LPCAT3: variants seen among roughly 807,000 people sequenced by gnomAD.
The protein encoded by LPCAT3 is lysophospholipid acyltransferase 5.
LPCAT3 carries 21 observed loss-of-function variants against 63.4 expected under a neutral mutation model. The observed-to-expected ratio is 0.33, with a 90% CI of 0.23 to 0.48. The LOEUF (loss-of-function observed/expected upper bound fraction) is 0.48, where lower values mean the gene tolerates loss of function less well. Among genes scored for constraint, LPCAT3 ranks in the 20% least tolerant of loss-of-function variants. LPCAT3 has a pLI of 0.99. For synonymous variants in LPCAT3, 242 were observed against 227.5 expected, an observed-to-expected ratio of 1.06 and a Z score of -0.58; for missense variants, 451 against 590.6, an observed-to-expected ratio of 0.76 and a Z score of 2.45.
At chr12:7,014,521 C>G (rs782064076) in intron 1 of LPCAT3, among the ~76,000 whole-genome samples, 4 of 152,160 alleles carry the variant, frequency 2.6e-5, no homozygotes, top group African/African-American at 7.2e-5. Context: ...AGTCTTCTGA[C>G]TGCTCAAAAT....
rs782378082 is a variant in LPCAT3 at position 7,018,177 on chromosome 12, C to T, written c.151+97G>A. 5.4e-5 allele frequency: 78 copies of T among 1,445,638 alleles called. No homozygotes were observed. In the East Asian group the frequency reaches 1.8e-3, roughly 34 times the overall value. The allele number at this position is 1,445,638 out of a possible 1,614,324, so 89.6% of individuals were successfully genotyped here. On this transcript the variant is annotated intron_variant, in intron 1 of 12. Coordinates refer to ENST00000261407, the MANE Select transcript of LPCAT3 (RefSeq NM_005768.6). This position sits in a 1 kb window ranked among gnomAD's most constrained non-coding sequence, Gnocchi z 4.9. ...CACACCCGCACCCGGCACAGCCCTC[C>T]CGGGTGGCTCCGGGAAGAGAGGGAG...
intron 1 of LPCAT3, among the ~76,000 whole-genome samples, chr12:7,002,234 T>C (rs1025390156): frequency 4.2e-4 from 64 of 152,178 alleles, no homozygotes; most frequent in African/African-American, 1.5e-3. Flanking sequence ...TTATATACAC[T>C]TGAAGTTTTA....
At position 7,018,453 on chromosome 12, in the gene LPCAT3, C is replaced by T. The variant is rs781991477; in HGVS notation, c.-29G>A. On this transcript the variant is annotated 5_prime_UTR_variant, in exon 1 of 13. Transcript: ENST00000261407. The surrounding 1 kb of genome is among the most constrained non-coding windows in gnomAD (Gnocchi z 4.9). ...AACTCCGGGAGCCCCACAGGGACCC[C>T]CCAGCTCCGCGCGCCCCGAATGCGG... 1 of 1,549,252 alleles carries T rather than the reference C, an allele frequency of 6.5e-7. No homozygotes were observed. Among genetic ancestry groups the T allele is most frequent in the Non-Finnish European group, 8.7e-7 (1 of 1,144,060 alleles).
In LPCAT3 at chr12:6,976,813, T is replaced by C. The variant is rs1946408584; in HGVS notation, c.*91A>G. On this transcript the variant is annotated 3_prime_UTR_variant, in exon 13 of 13. Coordinates refer to ENST00000261407, the MANE Select transcript of LPCAT3 (RefSeq NM_005768.6). ...CATCGATCTTCCACCTCCCTGGCTT[T>C]TCCATTCTCTGCTCTGGGGCAAAGG... 2 of 202,794 alleles carry C rather than the reference T, an allele frequency of 9.9e-6. No homozygotes were observed. The highest frequency in any genetic ancestry group is 2.3e-4 in the South Asian group (2 of 8,776). The allele number at this position is 202,794 out of a possible 1,614,324, so 12.6% of individuals were successfully genotyped here.
In LPCAT3 at chr12:6,987,951, AC is replaced by A. The variant is rs782689826; in HGVS notation, c.152-4413del. ...CCCTTTCCTTGCTACTCTGGGATCA[AC>A]AGTCACCTCTTGAACTTTTGGGGTG... On this transcript the variant is annotated intron_variant, in intron 1 of 12. Transcript: ENST00000261407. The surrounding 1 kb of genome is among the most constrained non-coding windows in gnomAD (Gnocchi z 4.1). 4.2e-4 allele frequency: 168 copies of A among 398,518 alleles called. No individual in the cohort carries two copies. Among genetic ancestry groups the A allele is most frequent in the African/African-American group, 3.2e-3 (158 of 48,758 alleles). 24.7% of individuals were successfully genotyped at this position (398,518 alleles called of 1,614,324 possible).
At chr12:6,978,225 G>A (rs1946431615) in intron 9 of LPCAT3, 116 bp downstream of exon 9, 3 of 1,227,790 alleles carry the variant, frequency 2.4e-6, no homozygotes, top group South Asian at 1.5e-5. Context: ...GAGCGACAGG[G>A]GGTTCTGCCC....
chr12:6,994,447 A>C (rs782564821), intron 1 of LPCAT3, among the ~76,000 whole-genome samples: 8 of 151,974 alleles, frequency 5.3e-5, no homozygotes, highest in Non-Finnish European at 8.8e-5. Flanking sequence ...ACCTCAAGTG[A>C]TCGACCTGCC....
At chr12:6,986,795 CAA>C (rs1157395768) in intron 1 of LPCAT3, among the ~76,000 whole-genome samples, 4 of 33,914 alleles carry the variant, frequency 1.2e-4, no homozygotes, top group Admixed American at 2.9e-4. Flanking sequence ...GACTCTGTCT[CAA>C]AAAAAAAAAA....
At chr12:7,006,593 A>G (rs1190579601) in intron 1 of LPCAT3, among the ~76,000 whole-genome samples, 3 of 152,224 alleles carry the variant, frequency 2.0e-5, no homozygotes, top group African/African-American at 7.2e-5. Context: ...CTATTCTTTC[A>G]GAGCACCAAT....
intron 1 of LPCAT3, among the ~76,000 whole-genome samples, chr12:6,993,756 A>G (rs1377006750): frequency 2.0e-5 from 3 of 152,122 alleles, no homozygotes; most frequent in African/African-American, 7.2e-5. Flanking sequence ...CGTTGTATGG[A>G]TACTCTGCAT....
chr12:6,989,541 G>A (rs782784872), intron 1 of LPCAT3, among the ~76,000 whole-genome samples: 2 of 152,076 alleles, frequency 1.3e-5, no homozygotes, highest in African/African-American at 2.4e-5. Flanking sequence ...CTCGTGATCC[G>A]CCCGCCTCGG....
intron 1 of LPCAT3, among the ~76,000 whole-genome samples, chr12:6,996,202 A>G (rs1946634736): frequency 6.6e-6 from 1 of 152,240 alleles, no homozygotes; most frequent in South Asian, 2.1e-4. Context: ...AATGTTAAGC[A>G]GGTCCAGCCT....
rs1946805914 is a variant in LPCAT3, at chr12:7,017,853, C to A, written c.151+421G>T. Reference sequence around the variant, plus strand: ...AATATGGAATATGGGGCTGAAAAGGCCGAAAGGGCTAAAGTTAGGGGCCCT... The same window carrying A: ...AATATGGAATATGGGGCTGAAAAGGACGAAAGGGCTAAAGTTAGGGGCCCT... On this transcript the variant is annotated intron_variant, in intron 1 of 12. Transcript: ENST00000261407. This position sits in a 1 kb window ranked among gnomAD's most constrained non-coding sequence, Gnocchi z 4.1. Among the ~76,000 whole-genome samples the A allele has an allele frequency of 6.6e-6, 1 of 152,180 alleles. No individual in the cohort carries two copies.
chr12:6,981,804 C>G lies in LPCAT3; in HGVS notation c.460+7G>C. The G allele has an allele frequency of 3.7e-6, 6 of 1,609,096 alleles. No homozygotes were observed. The highest frequency in any genetic ancestry group is 5.1e-6 in the Non-Finnish European group (6 of 1,175,472). ...TGTAAGGAAGGCAGGCAGTGACCATCACTCACCAATCAGCTTCAAAGTCAG... is the reference window on the plus strand; with the variant it reads ...TGTAAGGAAGGCAGGCAGTGACCATGACTCACCAATCAGCTTCAAAGTCAG... On this transcript the variant is annotated splice_region_variant and intron_variant, in intron 4 of 12. Coordinates refer to ENST00000261407, the MANE Select transcript of LPCAT3 (RefSeq NM_005768.6).
chr12:6,979,771 T>C, intron 6 of LPCAT3, 192 bp from the exon 7 acceptor site: 1 of 598,620 alleles, frequency 1.7e-6, no homozygotes, highest in East Asian at 2.8e-5. Context: ...GAATGGGGAC[T>C]GCAAACCTCT....
At chr12:6,998,255 A>G (rs1946654835) in intron 1 of LPCAT3, among the ~76,000 whole-genome samples, 1 of 152,160 alleles carries the variant, frequency 6.6e-6, no homozygotes, top group Non-Finnish European at 1.5e-5. Context: ...GGCTCAAGCA[A>G]TCCTCCTGCC....
chr12:6,999,916 C>CTTTTTTTTTTTTTTTTTTTTTTTTTTT (rs782553121), intron 1 of LPCAT3, among the ~76,000 whole-genome samples: 1 of 114,534 alleles, frequency 8.7e-6, no homozygotes, highest in Non-Finnish European at 1.8e-5. Context: ...TACTTACATT[C>CTTTTTTTTTTTTTTTTTTTTTTTTTTT]TTTTTTTTTT....
chr12:6,980,481 A>T (rs782448374), intron 6 of LPCAT3, among the ~76,000 whole-genome samples: 5 of 151,900 alleles, frequency 3.3e-5, no homozygotes, highest in Non-Finnish European at 7.4e-5. Flanking sequence ...TCAGCCTCCT[A>T]TGTAGCTTGG....
At chr12:7,015,191 G>A (rs1946790123) in intron 1 of LPCAT3, among the ~76,000 whole-genome samples, 1 of 152,198 alleles carries the variant, frequency 6.6e-6, no homozygotes, top group African/African-American at 2.4e-5. Flanking sequence ...AAGATGTTAA[G>A]AAAATAGTAA....
Sources: allele counts gnomAD v4.1 joint callset (sites outside exome capture counted in the v4.1 genomes callset), GRCh38; gene constraint gnomAD v4.1.1; non-coding constraint Gnocchi (gnomAD v3.1); transcripts MANE v1.5; gene names NCBI Gene and HGNC (gene_info 2026-07-23, HGNC 2026-07-21).